CD247: variants seen among roughly 807,000 people sequenced by gnomAD.
CD247 encodes T-cell surface glycoprotein CD3 zeta chain.
In CD247, 13 loss-of-function variants were observed where a neutral mutation model predicts 30.0. The observed-to-expected ratio is 0.43, with a 90% CI of 0.28 to 0.69. The LOEUF is 0.69. Ranked by LOEUF, CD247 falls within the 30% of genes least tolerant of loss-of-function variation. CD247 has a pLI of 0.16. For synonymous variants in CD247, 72 were observed against 80.0 expected (o/e 0.90, Z 0.53); for missense variants, 193 against 212.6 (o/e 0.91, Z 0.57).
intron 1 of CD247, among the ~76,000 whole-genome samples, chr1:167,499,989 C>T (rs1370399822): frequency 2.0e-5 from 3 of 152,216 alleles, no homozygotes; most frequent in Non-Finnish European, 1.5e-5. Flanking sequence ...ACACAGAGGG[C>T]TTCTCCTCCC....
At chr1:167,484,648 G>A (rs747352996) in intron 1 of CD247, among the ~76,000 whole-genome samples, 6 of 152,194 alleles carry the variant, frequency 3.9e-5, no homozygotes, top group Non-Finnish European at 5.9e-5. Flanking sequence ...GTCATGGCAC[G>A]TGCCTGTAGT....
At chr1:167,504,407 G>A (rs1385505978) in intron 1 of CD247, among the ~76,000 whole-genome samples, 2 of 152,224 alleles carry the variant, frequency 1.3e-5, no homozygotes, top group Non-Finnish European at 2.9e-5. Flanking sequence ...TACACTGAAA[G>A]TGAATTAATG....
At chr1:167,480,682 A>T (rs1424489480) in intron 1 of CD247, among the ~76,000 whole-genome samples, 3 of 152,240 alleles carry the variant, frequency 2.0e-5, no homozygotes, top group Non-Finnish European at 2.9e-5. Flanking sequence ...TTAACTCTTC[A>T]GCTCACCCTG....
intron 1 of CD247, among the ~76,000 whole-genome samples, chr1:167,461,677 A>G (rs1024989229): frequency 1.3e-5 from 2 of 152,168 alleles, no homozygotes; most frequent in South Asian, 4.1e-4. Context: ...GTGAAACCCC[A>G]TCTTTACCAG....
intron 1 of CD247, among the ~76,000 whole-genome samples, chr1:167,476,570 C>G (rs1553233482): frequency 6.6e-6 from 1 of 152,188 alleles, no homozygotes; most frequent in Non-Finnish European, 1.5e-5. Flanking sequence ...CGCCTGTAAT[C>G]CCAGCACTTT....
intron 1 of CD247, among the ~76,000 whole-genome samples, chr1:167,466,980 C>T (rs1653280178): frequency 6.6e-6 from 1 of 152,190 alleles, no homozygotes; most frequent in Non-Finnish European, 1.5e-5. Flanking sequence ...GCTGGGACTA[C>T]AGGCGCCCGC....
intron 1 of CD247, among the ~76,000 whole-genome samples, chr1:167,469,690 C>A (rs1447585458): frequency 1.3e-5 from 2 of 151,894 alleles, no homozygotes; most frequent in Non-Finnish European, 1.5e-5. Flanking sequence ...AGTGTTCAAG[C>A]AAATGATCTG....
Position 167,435,419 on chromosome 1 carries a change from G to T in CD247, c.316C>A (p.Pro106Thr). Residue 106 changes from proline (P) to threonine (T), a missense_variant, in exon 5 of 8, where the codon CCT becomes ACT. Coordinates refer to ENST00000362089, the MANE Select transcript of CD247 (RefSeq NM_198053.3). ...CTCACATTGTACAGGCCTTCCTGAG[G>T]GTTCTTCCTTCTCTGCTAGGAAAGA... is the stretch of plus-strand genomic sequence containing the variant. The part of the protein sequence containing the change: ...MGGKPQRRKN[P>T]QEGLYNELQK... 1 of 1,612,682 alleles carries T rather than the reference G, an allele frequency of 6.2e-7. No individual in the cohort carries two copies. Among genetic ancestry groups the T allele is most frequent in the South Asian group, 1.1e-5 (1 of 91,036 alleles).
intron 1 of CD247, among the ~76,000 whole-genome samples, chr1:167,453,981 C>G (rs1205216556): frequency 6.6e-6 from 1 of 151,490 alleles, no homozygotes; most frequent in Non-Finnish European, 1.5e-5. Context: ...AAAACAAAAA[C>G]AAAAAAAGCT....
chr1:167,488,525 G>T (rs1020514892), intron 1 of CD247, among the ~76,000 whole-genome samples: 1 of 152,140 alleles, frequency 6.6e-6, no homozygotes, highest in Admixed American at 6.5e-5. Flanking sequence ...CAGGCCAGGG[G>T]GATCAGACCT....
chr1:167,451,396 G>A (rs570377191), intron 1 of CD247, among the ~76,000 whole-genome samples: 4 of 152,144 alleles, frequency 2.6e-5, no homozygotes, highest in African/African-American at 7.2e-5. Context: ...GAGATGCCCC[G>A]GCAAGCCCCA....
chr1:167,491,975 G>A (rs1654470109), intron 1 of CD247, among the ~76,000 whole-genome samples: 1 of 152,174 alleles, frequency 6.6e-6, no homozygotes, highest in African/African-American at 2.4e-5. Flanking sequence ...GAGGAGGCGG[G>A]AATGGGGAGT....
chr1:167,441,331 C>G (rs1651821384), intron 1 of CD247, among the ~76,000 whole-genome samples: 2 of 152,238 alleles, frequency 1.3e-5, no homozygotes, highest in Non-Finnish European at 2.9e-5. Context: ...CCGCCTAGGA[C>G]AGTGGGATCT....
chr1:167,478,215 T>A (rs1476101318), intron 1 of CD247, among the ~76,000 whole-genome samples: 1 of 152,206 alleles, frequency 6.6e-6, no homozygotes, highest in African/African-American at 2.4e-5. Flanking sequence ...AGCTGTCTGA[T>A]GTCTCTCACA....
At chr1:167,513,631 C>T (rs1655485400) in intron 1 of CD247, among the ~76,000 whole-genome samples, 1 of 152,072 alleles carries the variant, frequency 6.6e-6, no homozygotes, top group South Asian at 2.1e-4. Context: ...CTTTTGCTAC[C>T]TGATGCCTTT....
At position 167,449,149 on chromosome 1, in the gene CD247, CTTTTTTTTTTT is replaced by C. The variant is rs71097676; in HGVS notation, c.59-8393_59-8383del. Among the ~76,000 whole-genome samples, 129 of 66,422 alleles carry C rather than the reference CTTTTTTTTTTT, an allele frequency of 1.9e-3. 1 individual carries two copies. Among genetic ancestry groups the C allele is most frequent in the African/African-American group, 9.6e-3 (128 of 13,338 alleles). 43.6% of individuals were successfully genotyped at this position (66,422 alleles called of 152,430 possible). ...GATACTTTGTGATCATTTTTCTTTT[CTTTTTTTTTTT>C]TTTTTTTTTTGAGACAGAGTCTCGC... On this transcript the variant is annotated intron_variant, in intron 1 of 7. Coordinates refer to ENST00000362089, the MANE Select transcript of CD247 (RefSeq NM_198053.3).
rs1215753586 is a variant in CD247 at position 167,494,195 on chromosome 1, G to A, written c.58+24213C>T. ...GAGGGTTGGGGGATGGAGGTGGCTA[G>A]TGAATAAAACACTTCTGAAGGGTCT... On this transcript the variant is annotated intron_variant, in intron 1 of 7. Coordinates refer to ENST00000362089, the MANE Select transcript of CD247 (RefSeq NM_198053.3). The surrounding 1 kb of genome is among the most constrained non-coding windows in gnomAD (Gnocchi z 7.3). 6.6e-6 allele frequency among the ~76,000 whole-genome samples: 1 copy of A among 152,186 alleles called. No homozygotes were observed. The highest frequency in any genetic ancestry group is 1.9e-4 in the East Asian group (1 of 5,200).
At chr1:167,440,448 C>T (rs1173181086) in intron 2 of CD247, 2 of 610,918 alleles carry the variant, frequency 3.3e-6, no homozygotes, top group Non-Finnish European at 5.9e-6. Context: ...AGGTGCCTAG[C>T]ACCAGGCTCT....
At chr1:167,450,442 C>G (rs536141855) in intron 1 of CD247, among the ~76,000 whole-genome samples, 64 of 151,832 alleles carry the variant, frequency 4.2e-4, no homozygotes, top group African/African-American at 1.5e-3. Flanking sequence ...TGCAGTGAGC[C>G]CTGACCGTGT....
Sources: gnomAD v4.1 joint callset for allele counts (sites outside exome capture counted in the v4.1 genomes callset) on GRCh38, gnomAD v4.1.1 for gene constraint, Gnocchi (gnomAD v3.1) non-coding constraint, MANE v1.5 for transcripts, NCBI Gene and HGNC (gene_info 2026-07-23, HGNC 2026-07-21) for gene names.